Variants in FGF13 observed in about 807,000 individuals in gnomAD.
FGF13 encodes fibroblast growth factor 13.
In FGF13, 2 loss-of-function variants were observed where a neutral mutation model predicts 19.5. That is an observed-to-expected ratio of 0.10 (90% confidence interval 0.04 to 0.32). The LOEUF (loss-of-function observed/expected upper bound fraction) is 0.32. FGF13 is among the 10% of genes least tolerant of loss of function. FGF13 has a pLI of 1.00. For synonymous variants in FGF13, 72 were observed against 76.9 expected (o/e 0.94, Z 0.33); for missense variants, 113 against 192.7 (o/e 0.59, Z 2.45).
At chrX:138,897,967 C>T (rs1469411173) in intron 1 of FGF13, among the ~76,000 whole-genome samples, 1 of 111,174 alleles carries the variant, frequency 9.0e-6, no homozygotes, top group Non-Finnish European at 1.9e-5. Flanking sequence ...CAGGGAACAC[C>T]CTCTCAGGCT....
intron 3 of FGF13, among the ~76,000 whole-genome samples, chrX:138,798,946 TTC>T (rs949147224): frequency 8.9e-6 from 1 of 111,821 alleles, no homozygotes; most frequent in African/African-American, 3.3e-5. Flanking sequence ...TATTTGATTC[TTC>T]TCTCTGTTCT....
At chrX:138,708,177 G>A (rs962485630) in intron 2 of FGF13, among the ~76,000 whole-genome samples, 2 of 112,296 alleles carry the variant, frequency 1.8e-5, no homozygotes, top group African/African-American at 3.2e-5. Flanking sequence ...TAAAGGTTAC[G>A]TAACATCTTG....
chrX:138,850,067 G>C (rs1602954452), intron 3 of FGF13, among the ~76,000 whole-genome samples: 1 of 111,201 alleles, frequency 9.0e-6, no homozygotes, highest in African/African-American at 3.3e-5. Flanking sequence ...CCACCACCAT[G>C]ATTGGAACAC....
At chrX:138,848,317 C>A (rs1430747485) in intron 3 of FGF13, among the ~76,000 whole-genome samples, 1 of 111,040 alleles carries the variant, frequency 9.0e-6, no homozygotes, top group African/African-American at 3.3e-5. Flanking sequence ...TTTGAAGAGG[C>A]CCATGCAATC....
chrX:138,941,724 T>C (rs999488028), intron 1 of FGF13, among the ~76,000 whole-genome samples: 7 of 112,089 alleles, frequency 6.2e-5, no homozygotes, highest in Non-Finnish European at 1.3e-4. Context: ...AAGTGGAAAG[T>C]CCCTGCTTCT....
chrX:139,170,013 C>G (rs774401001), intron 1 of FGF13, among the ~76,000 whole-genome samples: 5 of 111,756 alleles, frequency 4.5e-5, no homozygotes, highest in Non-Finnish European at 5.6e-5. Context: ...TTCAAGGGAA[C>G]AAGCAGGCTT....
chrX:138,795,446 G>A (rs1196078725), intron 3 of FGF13, among the ~76,000 whole-genome samples: 1 of 112,052 alleles, frequency 8.9e-6, no homozygotes, highest in Non-Finnish European at 1.9e-5. Context: ...CAAATTGAAT[G>A]GCTGTCATGG....
At chrX:138,785,955 C>T (rs1410388509) in intron 3 of FGF13, among the ~76,000 whole-genome samples, 1 of 112,011 alleles carries the variant, frequency 8.9e-6, no homozygotes, top group Non-Finnish European at 1.9e-5. Flanking sequence ...CACTCATTTT[C>T]AAACATCATG....
intron 1 of FGF13, among the ~76,000 whole-genome samples, chrX:138,895,010 C>T (rs150620178): frequency 0.028 from 3,127 of 111,822 alleles, 108 homozygotes; most frequent in African/African-American, 0.097. Flanking sequence ...GTTCAACATA[C>T]GCAAATCAAT....
At chrX:139,127,963 T>C (rs1194485236) in intron 1 of FGF13, among the ~76,000 whole-genome samples, 1 of 111,050 alleles carries the variant, frequency 9.0e-6, no homozygotes, top group Non-Finnish European at 1.9e-5. Context: ...TGCATGAGTC[T>C]GCCTCTCTTT....
At chrX:139,037,054 T>A (rs17001960) in intron 1 of FGF13, among the ~76,000 whole-genome samples, 16,191 of 110,319 alleles carry the variant, frequency 0.15, 1,075 homozygotes, top group African/African-American at 0.25. Flanking sequence ...TAGAATCTGT[T>A]AGCTCCAATG....
chrX:138,876,847 G>T (rs1291548819), intron 1 of FGF13, among the ~76,000 whole-genome samples: 1 of 112,215 alleles, frequency 8.9e-6, no homozygotes, highest in Non-Finnish European at 1.9e-5. Flanking sequence ...GGTCTATAAA[G>T]ATTACCATGA....
chrX:139,068,958 AAAC>A (rs1438398116), intron 1 of FGF13, among the ~76,000 whole-genome samples: 1 of 109,291 alleles, frequency 9.1e-6, no homozygotes, highest in East Asian at 2.9e-4. Context: ...AAAAGTCAGG[AAAC>A]AACAGGTGCT....
chrX:139,165,292 A>G (rs955897028), intron 1 of FGF13, among the ~76,000 whole-genome samples: 8 of 112,258 alleles, frequency 7.1e-5, no homozygotes, highest in Middle Eastern at 9.2e-3. Flanking sequence ...GCTACTTTTA[A>G]CCACATAAAG....
At chrX:138,870,400 C>A (rs911792935) in intron 1 of FGF13, among the ~76,000 whole-genome samples, 3 of 111,695 alleles carry the variant, frequency 2.7e-5, no homozygotes, top group Non-Finnish European at 5.6e-5. Context: ...CCCGATTAAC[C>A]CAGCTATCAA....
chrX:139,108,620 C>T (rs952423402), intron 1 of FGF13, among the ~76,000 whole-genome samples: 11 of 110,847 alleles, frequency 9.9e-5, no homozygotes, highest in African/African-American at 3.3e-4. Flanking sequence ...AGTGTGTATT[C>T]GAAGTTCTCA....
chrX:139,020,476 G>A (rs890518467), intron 1 of FGF13, among the ~76,000 whole-genome samples: 3 of 110,480 alleles, frequency 2.7e-5, no homozygotes, highest in African/African-American at 3.3e-5. Context: ...TAAAGCTGAC[G>A]GGTCTTCCTA....
At chrX:138,781,998 T>C (rs2090647742) in intron 3 of FGF13, among the ~76,000 whole-genome samples, 1 of 111,753 alleles carries the variant, frequency 8.9e-6, no homozygotes, top group Non-Finnish European at 1.9e-5. Flanking sequence ...GCAAGGCTGG[T>C]TCAATATACA....
chrX:138,964,492 C>T (rs2091887241), intron 1 of FGF13, among the ~76,000 whole-genome samples: 1 of 111,764 alleles, frequency 8.9e-6, no homozygotes, highest in Non-Finnish European at 1.9e-5. Context: ...GATATTTATC[C>T]TTTCTTCTTC....
Sources: gnomAD v4.1 joint callset for allele counts (sites outside exome capture counted in the v4.1 genomes callset) on GRCh38, gnomAD v4.1.1 for gene constraint, MANE v1.5 for transcripts, NCBI Gene and HGNC (gene_info 2026-07-23, HGNC 2026-07-21) for gene names.